The following SORCS2 variants were observed in gnomAD, a reference collection of about 807,000 sequenced individuals.
SORCS2 encodes the protein sortilin related VPS10 domain containing receptor 2.
SORCS2 carries 100 observed loss-of-function variants against 141.6 expected under a neutral mutation model. That is an observed-to-expected ratio of 0.71 (90% CI 0.60 to 0.83). The LOEUF (loss-of-function observed/expected upper bound fraction) is 0.83, where lower values mean the gene tolerates loss of function less well. SORCS2 is among the 40% of genes least tolerant of loss of function. SORCS2 has a pLI of 0.00. For synonymous variants in SORCS2, 789 were observed against 676.9 expected (o/e 1.17, Z -2.57); for missense variants, 1,646 against 1,560.2 (o/e 1.05, Z -0.93).
intron 2 of SORCS2, among the ~76,000 whole-genome samples, chr4:7,427,358 G>A (rs1726517521): frequency 6.6e-6 from 1 of 152,192 alleles, no homozygotes; most frequent in East Asian, 1.9e-4. Context: ...TCGGGCAAGA[G>A]CACTGTCCCT....
At chr4:7,683,668 C>T (rs746730099) in intron 10 of SORCS2, among the ~76,000 whole-genome samples, 96 of 152,358 alleles carry the variant, frequency 6.3e-4, no homozygotes, top group Admixed American at 1.1e-3. Flanking sequence ...GGAGCAGACA[C>T]TTGCTTCTAA....
In SORCS2 at chr4:7,316,253, T is replaced by TCCAC. The variant is rs1409006663; in HGVS notation, c.481-80035_481-80034insCCAC. 9.6e-4 allele frequency among the ~76,000 whole-genome samples: 145 copies of TCCAC among 151,590 alleles called. No individual in the cohort carries two copies. In the Middle Eastern group the frequency reaches 0.01, roughly 11 times the overall value. On this transcript the variant is annotated intron_variant, in intron 1 of 26. Coordinates refer to ENST00000507866, the MANE Select transcript of SORCS2 (RefSeq NM_020777.3). ...ATCCATCCATCCATCCATCCATCCA[T>TCCAC]GCATCCATTCGTGCATCCATCCTTC...
chr4:7,275,241 G>A (rs1382212522), intron 1 of SORCS2, among the ~76,000 whole-genome samples: 2 of 152,134 alleles, frequency 1.3e-5, no homozygotes, highest in Non-Finnish European at 2.9e-5. Flanking sequence ...AAAACAAATA[G>A]AATTGTTATG....
chr4:7,416,764 ACATG>A (rs899773525), intron 2 of SORCS2, among the ~76,000 whole-genome samples: 5 of 150,878 alleles, frequency 3.3e-5, no homozygotes, highest in Admixed American at 1.3e-4. Context: ...GCACACAGAC[ACATG>A]CATGCATGTA....
At chr4:7,221,194 CCT>C (rs1728683545) in intron 1 of SORCS2, among the ~76,000 whole-genome samples, 3 of 152,098 alleles carry the variant, frequency 2.0e-5, no homozygotes, top group Admixed American at 2.0e-4. Context: ...CTTTCTTTCC[CCT>C]GAGTTTTTGA....
intron 1 of SORCS2, among the ~76,000 whole-genome samples, chr4:7,231,730 G>C (rs1169961371): frequency 6.6e-6 from 1 of 152,190 alleles, no homozygotes; most frequent in East Asian, 1.9e-4. Flanking sequence ...CTTTTTGTGG[G>C]GTAAGATTTG....
At chr4:7,507,764 G>C (rs1235775166) in intron 2 of SORCS2, among the ~76,000 whole-genome samples, 1 of 152,132 alleles carries the variant, frequency 6.6e-6, no homozygotes, top group Non-Finnish European at 1.5e-5. Flanking sequence ...AAAAGTTAAG[G>C]CATGCTGTGT....
chr4:7,649,871 G>A (rs369440087), intron 4 of SORCS2, among the ~76,000 whole-genome samples: 1 of 152,176 alleles, frequency 6.6e-6, no homozygotes, highest in Non-Finnish European at 1.5e-5. Flanking sequence ...TTCGTCATAA[G>A]GTGGTGCCCG....
rs558965971 is a variant in SORCS2, at chr4:7,285,081, C to T, written c.480+91955C>T. Among the ~76,000 whole-genome samples, 19 of 150,944 alleles carry T rather than the reference C, an allele frequency of 1.3e-4. No homozygotes were observed. In the South Asian group the frequency reaches 3.2e-3, roughly 25 times the overall value. On this transcript the variant is annotated intron_variant, in intron 1 of 26. Transcript: ENST00000507866. Reference sequence around the variant, plus strand: ...GAGTTTCACTCTTGTTGCCCAGACTCGAGTGCAGTGGCATGATCTTGGTTC... The same window carrying T: ...GAGTTTCACTCTTGTTGCCCAGACTTGAGTGCAGTGGCATGATCTTGGTTC...
At chr4:7,208,715 G>C (rs1727887283) in intron 1 of SORCS2, among the ~76,000 whole-genome samples, 1 of 152,164 alleles carries the variant, frequency 6.6e-6, no homozygotes, top group East Asian at 1.9e-4. Flanking sequence ...TTTTTCTAGG[G>C]GATGCACTGC....
Position 7,192,736 on chromosome 4 carries a change from G to A in SORCS2, c.90G>A (p.Ser30=). Residue 30 remains serine, a synonymous_variant, in exon 1 of 27, where the codon TCG becomes TCA. Transcript: ENST00000507866. The surrounding 1 kb of genome is among the most constrained non-coding windows in gnomAD (Gnocchi z 4.0). ...PSPGAPPPPR[S]PRSRPLLLLL... Reference sequence around the variant, plus strand: ...CCGGGGCTCCGCCGCCGCCGCGCTCGCCGCGCTCGCGGCCGCTCCTGCTGC... The same window carrying A: ...CCGGGGCTCCGCCGCCGCCGCGCTCACCGCGCTCGCGGCCGCTCCTGCTGC... 2 of 992,846 alleles carry A rather than the reference G, an allele frequency of 2.0e-6. No individual in the cohort carries two copies. The highest frequency in any genetic ancestry group is 2.4e-6 in the Non-Finnish European group (2 of 836,596). The allele number at this position is 992,846 out of a possible 1,614,324, so 61.5% of individuals were successfully genotyped here.
At chr4:7,464,379 T>C (rs1729485868) in intron 2 of SORCS2, among the ~76,000 whole-genome samples, 1 of 152,044 alleles carries the variant, frequency 6.6e-6, no homozygotes. Flanking sequence ...CTGCCCGAGC[T>C]CTGGATGCCC....
chr4:7,715,367 AG>A, intron 17 of SORCS2, 56 bp downstream of exon 17: 1 of 1,595,414 alleles, frequency 6.3e-7, no homozygotes, highest in Non-Finnish European at 8.6e-7. Context: ...GCTGTGGTGC[AG>A]CCCCGAAACC....
chr4:7,597,052 G>A lies in SORCS2; in HGVS notation c.649-41276G>A, dbSNP rs10002768. 6.9e-3 allele frequency among the ~76,000 whole-genome samples: 1,045 copies of A among 152,084 alleles called. 14 individuals are homozygous for A. Among genetic ancestry groups the A allele is most frequent in the African/African-American group, 0.023 (970 of 41,476 alleles). On this transcript the variant is annotated intron_variant, in intron 3 of 26. Coordinates refer to ENST00000507866, the MANE Select transcript of SORCS2 (RefSeq NM_020777.3). The stretch of plus-strand genomic sequence containing the variant: ...CTGTGCCTGGGGGCTGGCTTCCTCC[G>A]TGAGATAAAAAATCAATGCAGGCTT...
intron 1 of SORCS2, among the ~76,000 whole-genome samples, chr4:7,317,813 C>T (rs1238658924): frequency 6.6e-6 from 1 of 152,204 alleles, no homozygotes; most frequent in Non-Finnish European, 1.5e-5. Context: ...CACAGGCCAC[C>T]TCCACCATTC....
intron 1 of SORCS2, among the ~76,000 whole-genome samples, chr4:7,301,929 C>T (rs1038273637): frequency 2.0e-5 from 3 of 152,210 alleles, no homozygotes; most frequent in African/African-American, 7.2e-5. Context: ...CTCTCCTTCC[C>T]TTCCAGCTCT....
intron 1 of SORCS2, among the ~76,000 whole-genome samples, chr4:7,391,635 C>T (rs933279015): frequency 1.3e-5 from 2 of 152,170 alleles, no homozygotes; most frequent in African/African-American, 4.8e-5. Context: ...GCAGGCCCTT[C>T]CCTGGAATAA....
At chr4:7,457,161 G>C (rs1728966532) in intron 2 of SORCS2, among the ~76,000 whole-genome samples, 1 of 152,188 alleles carries the variant, frequency 6.6e-6, no homozygotes, top group Admixed American at 6.5e-5. Flanking sequence ...ACAGCCCCCG[G>C]ACAGATTCCC....
chr4:7,484,933 CT>C (rs1260126668), intron 2 of SORCS2, among the ~76,000 whole-genome samples: 2 of 148,458 alleles, frequency 1.3e-5, no homozygotes, highest in Non-Finnish European at 3.0e-5. Flanking sequence ...GGCTTTCCTT[CT>C]TTTTCATTTA....
Sources: allele counts gnomAD v4.1 joint callset (sites outside exome capture counted in the v4.1 genomes callset), GRCh38; gene constraint gnomAD v4.1.1; non-coding constraint Gnocchi (gnomAD v3.1); transcripts MANE v1.5; gene names NCBI Gene and HGNC (gene_info 2026-07-23, HGNC 2026-07-21).